Variants in EVI5L observed in about 807,000 individuals in gnomAD.
The protein encoded by EVI5L is EVI5-like protein.
Under a neutral mutation model 106.1 loss-of-function variants are expected in EVI5L, and 30 were observed. The ratio of observed to expected loss-of-function variants is 0.28; its 90% CI spans 0.21 to 0.38. The LOEUF (loss-of-function observed/expected upper bound fraction) is 0.38. Among genes scored for constraint, EVI5L ranks in the 10% least tolerant of loss-of-function variants. The pLI, the probability that EVI5L is intolerant of heterozygous loss-of-function variation, is 1.00. For missense variants in EVI5L, 809 were observed against 1,098.0 expected (o/e 0.74, Z 3.72); for synonymous variants, 489 against 483.3 (o/e 1.01, Z -0.15).
At chr19:7,840,338 C>A (rs965920019) in intron 1 of EVI5L, among the ~76,000 whole-genome samples, 1 of 152,280 alleles carries the variant, frequency 6.6e-6, no homozygotes, top group East Asian at 1.9e-4. Context: ...ATTAGCCAGG[C>A]ATGGCGGCAC....
In EVI5L at chr19:7,846,060, C is replaced by T. The variant is rs978514948; in HGVS notation, c.-47-436C>T. On this transcript the variant is annotated intron_variant, in intron 1 of 19. Coordinates refer to ENST00000538904, the MANE Select transcript of EVI5L (RefSeq NM_001159944.3). ...ATGGGGCTCCCAGGGCAGGCCGTGG[C>T]GGGGACGGGGACAAAGCTATTAGGA... 5.3e-5 allele frequency among the ~76,000 whole-genome samples: 8 copies of T among 152,156 alleles called. No individual in the cohort carries two copies. In the East Asian group the frequency reaches 5.8e-4, roughly 11 times the overall value.
At chr19:7,842,986 CGT>C (rs972778209) in intron 1 of EVI5L, among the ~76,000 whole-genome samples, 1 of 144,220 alleles carries the variant, frequency 6.9e-6, no homozygotes, top group African/African-American at 2.6e-5. Flanking sequence ...TGGATGAGCA[CGT>C]GTGTTGAGTG....
chr19:7,851,791 C>T, intron 8 of EVI5L, 21 bp downstream of exon 8: 1 of 1,485,692 alleles, frequency 6.7e-7, no homozygotes, highest in Non-Finnish European at 8.9e-7. Flanking sequence ...AGGGCCAGGG[C>T]CGGTGGGGCT....
In EVI5L at chr19:7,862,383, C is replaced by A; in HGVS notation, c.1801-5C>A. 1 of 1,600,970 alleles carries A rather than the reference C, an allele frequency of 6.2e-7. No individual in the cohort carries two copies. The highest frequency in any genetic ancestry group is 8.5e-7 in the Non-Finnish European group (1 of 1,173,960). ...TCCTCCGTCCTCCCTTCCTCCCTAT[C>A]CCAGGACCACATCCACCGCAACCTT... is the stretch of plus-strand genomic sequence containing the variant. On this transcript the variant is annotated splice_polypyrimidine_tract_variant and splice_region_variant and intron_variant, in intron 16 of 19. Coordinates refer to ENST00000538904, the MANE Select transcript of EVI5L (RefSeq NM_001159944.3).
chr19:7,862,729 G>C (rs1979890892), intron 17 of EVI5L, among the ~76,000 whole-genome samples, 195 bp downstream of exon 17: 2 of 45,970 alleles, frequency 4.4e-5, no homozygotes, highest in Non-Finnish European at 8.3e-5. Flanking sequence ...ATCCGGCCCC[G>C]CCTCCTGACC....
At chr19:7,855,973 G>A (rs369354155) in intron 10 of EVI5L, 42 bp from the exon 11 acceptor site, 18 of 1,320,332 alleles carry the variant, frequency 1.4e-5, no homozygotes, top group African/African-American at 1.1e-4. Flanking sequence ...GTAGACAGGC[G>A]TGGGGGGCGG....
At position 7,846,523 on chromosome 19, in the gene EVI5L, G is replaced by A. The variant is rs1266685468; in HGVS notation, c.-20G>A. 5 of 1,599,868 alleles carry A rather than the reference G, an allele frequency of 3.1e-6. No individual in the cohort carries two copies. The highest frequency in any genetic ancestry group is 2.2e-5 in the South Asian group (2 of 89,920). On this transcript the variant is annotated 5_prime_UTR_variant, in exon 2 of 20. Coordinates refer to ENST00000538904, the MANE Select transcript of EVI5L (RefSeq NM_001159944.3). ...AGAGCTGTGAACCAACCCCGCTCAC[G>A]GCTAACAAGCCCACCCACCATGGCG...
chr19:7,831,584 C>T (rs964063045), intron 1 of EVI5L, among the ~76,000 whole-genome samples: 1 of 152,202 alleles, frequency 6.6e-6, no homozygotes, highest in Non-Finnish European at 1.5e-5. Flanking sequence ...CCCCAGGCCT[C>T]TGCCAAGTTA....
chr19:7,862,508 C>G lies in EVI5L; in HGVS notation c.1921C>G (p.Arg641Gly), dbSNP rs1262620991. The change falls in exon 17 of 20, where the codon CGC becomes GGC. Residue 641 changes from arginine (R) to glycine (G), a missense_variant. By Grantham distance (125) the Arg-to-Gly change is moderately radical (BLOSUM62 -2). Transcript: ENST00000538904. Reference protein sequence around the residue: ...GLQTQLSESRRKQAEAECKSK... With the variant: ...GLQTQLSESRGKQAEAECKSK... ...GCAGACGCAGCTCAGCGAAAGCCGC[C>G]GCAAGCAGGCCGAGGCCGAGTGCAA... The G allele has an allele frequency of 1.3e-6, 2 of 1,561,578 alleles. No homozygotes were observed. Among genetic ancestry groups the G allele is most frequent in the Non-Finnish European group, 8.7e-7 (1 of 1,154,484 alleles).
At position 7,859,706 on chromosome 19, in the gene EVI5L, C is replaced by T. The variant is rs80128712; in HGVS notation, c.1375-855C>T. 4.9e-3 allele frequency among the ~76,000 whole-genome samples: 741 copies of T among 152,354 alleles called. 40 individuals carry two copies. In the East Asian group the frequency reaches 0.12, roughly 24 times the overall value. On this transcript the variant is annotated intron_variant, in intron 13 of 19. Coordinates refer to ENST00000538904, the MANE Select transcript of EVI5L (RefSeq NM_001159944.3). ...CCTTTCAGGCTCGTTAGAGAGACTC[C>T]ACCAGCCACCCCTGAGCTCCAACCT... is the stretch of plus-strand genomic sequence containing the variant.
In EVI5L at chr19:7,863,554, C is replaced by T; in HGVS notation, c.2270C>T (p.Ala757Val). Reference protein sequence around the residue: ...DEELLGVGVGAALQDALYPLS... With the variant: ...DEELLGVGVGVALQDALYPLS... ...GAGCTACTTGGCGTAGGCGTGGGCG[C>T]TGCCCTGCAGGACGCATTGTACCCT... Residue 757 changes from alanine to valine, a missense_variant, in exon 20 of 20, where the codon GCT (alanine) becomes GTT (valine). Ala to Val is a moderately conservative substitution (Grantham distance 64). Transcript: ENST00000538904. The surrounding 1 kb of genome is among the most constrained non-coding windows in gnomAD (Gnocchi z 7.7). 1 of 1,600,218 alleles carries T rather than the reference C, an allele frequency of 6.2e-7. No homozygotes were observed. The highest frequency in any genetic ancestry group is 8.5e-7 in the Non-Finnish European group (1 of 1,174,424).
rs1006676165 is a variant in EVI5L, at chr19:7,863,202, C to T, written c.2061C>T (p.Ile687=). The T allele has an allele frequency of 1.3e-6, 2 of 1,558,792 alleles. No individual in the cohort carries two copies. Among genetic ancestry groups the T allele is most frequent in the African/African-American group, 1.4e-5 (1 of 73,906 alleles). The part of the protein sequence containing the change: ...ELEIQREEGR[I]QGQLNHSDSS... Reference sequence around the variant, plus strand: ...CCCCGCAGAGGGAGGAAGGCCGCATCCAGGGCCAGCTGAACCACTCGGACT... The same window carrying T: ...CCCCGCAGAGGGAGGAAGGCCGCATTCAGGGCCAGCTGAACCACTCGGACT... Residue 687 remains isoleucine (I), a synonymous_variant, in exon 19 of 20, where the codon ATC becomes ATT. Coordinates refer to ENST00000538904, the MANE Select transcript of EVI5L (RefSeq NM_001159944.3). This position sits in a 1 kb window ranked among gnomAD's most constrained non-coding sequence, Gnocchi z 7.7.
intron 1 of EVI5L, among the ~76,000 whole-genome samples, chr19:7,839,002 GA>G (rs113476042): frequency 0.17 from 23,620 of 137,658 alleles, 2,354 homozygotes; most frequent in Middle Eastern, 0.27. Flanking sequence ...TCTCTAAAAA[GA>G]AAAAAAAAAA....
chr19:7,852,197 G>C (rs989811205), intron 8 of EVI5L, among the ~76,000 whole-genome samples: 2 of 152,208 alleles, frequency 1.3e-5, no homozygotes, highest in African/African-American at 2.4e-5. Context: ...GCCCCAGCCC[G>C]GCCTGCCTGG....
At chr19:7,849,467 C>T (rs1177411177) in intron 5 of EVI5L, 137 bp downstream of exon 5, 5 of 956,696 alleles carry the variant, frequency 5.2e-6, no homozygotes, top group East Asian at 2.6e-5. Flanking sequence ...CATCCACACC[C>T]GTGACCTCTG....
At position 7,863,986 on chromosome 19, in the gene EVI5L, T is replaced by C; in HGVS notation, c.*284T>C. 1 of 418,224 alleles carries C rather than the reference T, an allele frequency of 2.4e-6. No individual in the cohort carries two copies. Among genetic ancestry groups the C allele is most frequent in the South Asian group, 5.3e-5 (1 of 19,046 alleles). The allele number at this position is 418,224 out of a possible 1,614,324, so 25.9% of individuals were successfully genotyped here. A position where few individuals can be genotyped will look rare whatever the true frequency, so the allele number is the denominator to read the frequency against. On this transcript the variant is annotated 3_prime_UTR_variant, in exon 20 of 20. Transcript: ENST00000538904. The surrounding 1 kb of genome is among the most constrained non-coding windows in gnomAD (Gnocchi z 7.7). ...GGGTGCCTGGAGGGGCTGACTGCTC[T>C]CTTAACAGGAGGGCAGAGGGCAGGG...
At position 7,856,117 on chromosome 19, in the gene EVI5L, C is replaced by T. The variant is rs1979508687; in HGVS notation, c.1200+49C>T. On this transcript the variant is annotated intron_variant, in intron 11 of 19. Coordinates refer to ENST00000538904, the MANE Select transcript of EVI5L (RefSeq NM_001159944.3). This position sits in a 1 kb window ranked among gnomAD's most constrained non-coding sequence, Gnocchi z 6.6. ...GACATGGTCGCCATGGGGTGTGACC[C>T]ACCATGCGGGGCATGGCCGCTAACC... The T allele has an allele frequency of 3.1e-6, 4 of 1,310,424 alleles. No homozygotes were observed. In the African/African-American group the frequency reaches 6.0e-5, roughly 20 times the overall value. 81.2% of individuals were successfully genotyped at this position (1,310,424 alleles called of 1,614,324 possible). A position where few individuals can be genotyped will look rare whatever the true frequency, so the allele number is the denominator to read the frequency against.
rs1360893062 is a variant in EVI5L at position 7,861,955 on chromosome 19, C to A, written c.1581C>A (p.Gly527=). ...TGAAGGCGCTCAAGGTGCGGGAAGG[C>A]CAGGCGGTGGCCTCGACGCGAGAGC... ...EELKALKVRE[G]QAVASTRELK... The change falls in exon 15 of 20, where the codon GGC becomes GGA. Residue 527 remains glycine (G), a synonymous_variant. Coordinates refer to ENST00000538904, the MANE Select transcript of EVI5L (RefSeq NM_001159944.3). The A allele has an allele frequency of 6.5e-7, 1 of 1,549,954 alleles. No individual in the cohort carries two copies. Among genetic ancestry groups the A allele is most frequent in the African/African-American group, 1.4e-5 (1 of 73,156 alleles).
chr19:7,847,799 C>A lies in EVI5L; in HGVS notation c.205C>A (p.Leu69Ile), dbSNP rs1979026944. ...CTCGCGGCGGAACAGTGGCTCCTCG[C>A]TAGTGTCCAGCTCCTCGGCCTCCTC... ...NGSRRNSGSS[L>I]VSSSSASSNL... The change falls in exon 3 of 20, where the codon CTA (leucine) becomes ATA (isoleucine). Residue 69 changes from leucine to isoleucine, a missense_variant. Coordinates refer to ENST00000538904, the MANE Select transcript of EVI5L (RefSeq NM_001159944.3). The A allele has an allele frequency of 6.2e-7, 1 of 1,613,012 alleles. No homozygotes were observed. The highest frequency in any genetic ancestry group is 1.3e-5 in the African/African-American group (1 of 74,920).
Sources: gnomAD v4.1 joint callset for allele counts (sites outside exome capture counted in the v4.1 genomes callset) on GRCh38, gnomAD v4.1.1 for gene constraint, Gnocchi (gnomAD v3.1) non-coding constraint, MANE v1.5 for transcripts, NCBI Gene and HGNC (gene_info 2026-07-23, HGNC 2026-07-21) for gene names.